The following ABL2 variants were observed in gnomAD, a reference collection of about 807,000 sequenced individuals.
ABL2 encodes the protein tyrosine-protein kinase ABL2.
In ABL2, 49 loss-of-function variants were observed where a neutral mutation model predicts 107.7. The ratio of observed to expected loss-of-function variants is 0.45; its 90% CI spans 0.36 to 0.58. The LOEUF (loss-of-function observed/expected upper bound fraction) is 0.58, where lower values mean the gene tolerates loss of function less well. ABL2 is among the 20% of genes least tolerant of loss of function. ABL2 has a pLI of 0.00. For missense variants in ABL2, 1,245 were observed against 1,457.0 expected (o/e 0.85, Z 2.37); for synonymous variants, 549 against 548.6 (o/e 1.00, Z -0.01).
chr1:179,169,930 G>T (rs2102771151), intron 1 of ABL2, among the ~76,000 whole-genome samples: 1 of 152,234 alleles, frequency 6.6e-6, no homozygotes, highest in South Asian at 2.1e-4. Context: ...TCGGGAGGCT[G>T]AAGTGGCAGG....
intron 1 of ABL2, among the ~76,000 whole-genome samples, chr1:179,176,263 A>G (rs1375079356): frequency 6.6e-6 from 1 of 152,144 alleles, no homozygotes; most frequent in Non-Finnish European, 1.5e-5. Flanking sequence ...AATAAGATCT[A>G]GTATTTGATA....
intron 1 of ABL2, among the ~76,000 whole-genome samples, chr1:179,195,085 C>T (rs1175321700): frequency 1.3e-5 from 2 of 152,068 alleles, no homozygotes; most frequent in Non-Finnish European, 2.9e-5. Context: ...GTCAGGAGTT[C>T]CAGACCAGCC....
intron 1 of ABL2, among the ~76,000 whole-genome samples, chr1:179,179,768 C>T (rs76334955): frequency 0.015 from 2,209 of 151,988 alleles, 48 homozygotes; most frequent in African/African-American, 0.049. Flanking sequence ...TAAAATAGTA[C>T]AACTGTGATA....
At chr1:179,167,134 G>C (rs2816189) in intron 1 of ABL2, among the ~76,000 whole-genome samples, 52,237 of 152,036 alleles carry the variant, frequency 0.34, 9,406 homozygotes, top group East Asian at 0.48. Flanking sequence ...CAATAGGAAA[G>C]ATATGGAATT....
chr1:179,119,198 T>A (rs1247047692), intron 6 of ABL2, among the ~76,000 whole-genome samples: 2 of 152,166 alleles, frequency 1.3e-5, no homozygotes, highest in Non-Finnish European at 2.9e-5. Flanking sequence ...ATGATTTTCA[T>A]CATTTCCATA....
At chr1:179,216,747 C>T (rs1167079183) in intron 1 of ABL2, among the ~76,000 whole-genome samples, 1 of 151,134 alleles carries the variant, frequency 6.6e-6, no homozygotes, top group South Asian at 2.1e-4. Flanking sequence ...ACTGCAGTGG[C>T]GTGATCTGGG....
At chr1:179,134,581 G>A (rs913517952) in intron 1 of ABL2, among the ~76,000 whole-genome samples, 4 of 152,070 alleles carry the variant, frequency 2.6e-5, no homozygotes, top group African/African-American at 9.7e-5. Flanking sequence ...ACTTACAGTA[G>A]GAAACACAGG....
intron 3 of ABL2, among the ~76,000 whole-genome samples, chr1:179,128,140 C>T (rs1655921514): frequency 2.6e-5 from 4 of 151,638 alleles, no homozygotes; most frequent in Admixed American, 6.6e-5. Flanking sequence ...CCTTCAGAAA[C>T]GTTTCCATAG....
intron 1 of ABL2, among the ~76,000 whole-genome samples, chr1:179,177,036 A>C (rs1037137257): frequency 2.0e-5 from 3 of 152,058 alleles, no homozygotes; most frequent in Admixed American, 2.0e-4. Flanking sequence ...AACTATAAAG[A>C]GGTACACTTC....
chr1:179,148,866 C>T (rs1160967775), intron 1 of ABL2, among the ~76,000 whole-genome samples: 1 of 146,924 alleles, frequency 6.8e-6, no homozygotes, highest in African/African-American at 2.5e-5. Context: ...TGCCACTGCA[C>T]TCCAGCCTAG....
chr1:179,103,832 G>C lies in ABL2; in HGVS notation c.*3886C>G, dbSNP rs1025245142. ...AGACTTGAATTCTAGCCTTGGCTCC[G>C]CCACTAATTAACCGTTCTGAGACAA... On this transcript the variant is annotated 3_prime_UTR_variant, in exon 12 of 12. Coordinates refer to ENST00000502732, the MANE Select transcript of ABL2 (RefSeq NM_007314.4). 4.3e-6 allele frequency: 1 copy of C among 230,096 alleles called. No homozygotes were observed. The highest frequency in any genetic ancestry group is 2.2e-5 in the African/African-American group (1 of 45,136). 14.3% of individuals were successfully genotyped at this position (230,096 alleles called of 1,614,324 possible).
At chr1:179,221,666 G>T in intron 1 of ABL2, 2 of 206,300 alleles carry the variant, frequency 9.7e-6, no homozygotes, top group South Asian at 2.1e-4. Flanking sequence ...ACTACATCAT[G>T]ACAACAGACA....
At chr1:179,118,157 G>GA (rs796685314) in intron 7 of ABL2, among the ~76,000 whole-genome samples, 150 of 126,912 alleles carry the variant, frequency 1.2e-3, no homozygotes, top group African/African-American at 2.1e-3. Context: ...TCTCAAGAAG[G>GA]AAAAAAAAAA....
chr1:179,157,369 T>A (rs1036727378), intron 1 of ABL2, among the ~76,000 whole-genome samples: 1 of 151,904 alleles, frequency 6.6e-6, no homozygotes, highest in African/African-American at 2.4e-5. Flanking sequence ...CGATGGCGTG[T>A]GCCTATAATC....
intron 1 of ABL2, among the ~76,000 whole-genome samples, chr1:179,152,241 T>TG (rs1295283617): frequency 7.9e-5 from 12 of 152,304 alleles, no homozygotes; most frequent in Non-Finnish European, 1.2e-4. Context: ...GTCCCTAACT[T>TG]GGAGTCTTGA....
intron 7 of ABL2, among the ~76,000 whole-genome samples, chr1:179,118,157 G>GAAA (rs796685314): frequency 7.9e-6 from 1 of 126,946 alleles, no homozygotes. Flanking sequence ...TCTCAAGAAG[G>GAAA]AAAAAAAAAA....
At chr1:179,195,825 A>G (rs148198212) in intron 1 of ABL2, among the ~76,000 whole-genome samples, 1 of 152,364 alleles carries the variant, frequency 6.6e-6, no homozygotes, top group Non-Finnish European at 1.5e-5. Flanking sequence ...TGAGGAACCT[A>G]GAGTAGTCAA....
chr1:179,158,080 T>G (rs756797414), intron 1 of ABL2, among the ~76,000 whole-genome samples: 1 of 152,118 alleles, frequency 6.6e-6, no homozygotes, highest in African/African-American at 2.4e-5. Flanking sequence ...AAGGAGACCA[T>G]AGGAGAGTCA....
intron 1 of ABL2, among the ~76,000 whole-genome samples, chr1:179,172,959 G>A (rs1441256686): frequency 6.6e-6 from 1 of 152,158 alleles, no homozygotes; most frequent in Non-Finnish European, 1.5e-5. Context: ...AGAGGCTGAG[G>A]CGGATGGATC....
Sources: allele counts gnomAD v4.1 joint callset (sites outside exome capture counted in the v4.1 genomes callset), GRCh38; gene constraint gnomAD v4.1.1; transcripts MANE v1.5; gene names NCBI Gene and HGNC (gene_info 2026-07-23, HGNC 2026-07-21).